RYR3: variants seen among roughly 807,000 people sequenced by gnomAD.
The protein encoded by RYR3 is brain ryanodine receptor-calcium release channel.
RYR3 carries 207 observed loss-of-function variants against 584.3 expected under a neutral mutation model. That is an observed-to-expected ratio of 0.35 (90% confidence interval 0.32 to 0.40). RYR3 has a LOEUF of 0.40. Ranked by LOEUF, RYR3 falls within the 10% of genes least tolerant of loss-of-function variation. The pLI, the probability that RYR3 is intolerant of heterozygous loss-of-function variation, is 1.00. For missense variants in RYR3, 5,616 were observed against 6,089.2 expected (o/e 0.92, Z 2.59); for synonymous variants, 2,416 against 2,248.5 (o/e 1.07, Z -2.11).
At chr15:33,699,656 G>T (rs1244343086) in intron 40 of RYR3, 48 bp from the exon 41 acceptor site, 3 of 1,577,930 alleles carry the variant, frequency 1.9e-6, no homozygotes, top group African/African-American at 2.7e-5. Context: ...TTTCAGAAAG[G>T]CCTCATGATA....
chr15:33,440,301 G>A (rs368313547), intron 1 of RYR3, among the ~76,000 whole-genome samples: 1 of 152,242 alleles, frequency 6.6e-6, no homozygotes, highest in Non-Finnish European at 1.5e-5. Context: ...AATTGAGTCC[G>A]ACTTCATATG....
At chr15:33,846,722 C>G (rs1336281947) in intron 93 of RYR3, among the ~76,000 whole-genome samples, 2 of 152,186 alleles carry the variant, frequency 1.3e-5, no homozygotes, top group Non-Finnish European at 2.9e-5. Context: ...AATTCTGGAG[C>G]CAAGCTGCCT....
chr15:33,674,756 G>C (rs985062354), intron 38 of RYR3, among the ~76,000 whole-genome samples: 10 of 149,892 alleles, frequency 6.7e-5, no homozygotes, highest in African/African-American at 2.5e-4. Context: ...AATGTAGATG[G>C]ATGGATAAAA....
At chr15:33,317,332 G>C (rs1009888220) in intron 1 of RYR3, among the ~76,000 whole-genome samples, 2 of 152,080 alleles carry the variant, frequency 1.3e-5, no homozygotes, top group African/African-American at 4.8e-5. Flanking sequence ...AGTTCCTTTT[G>C]GCTGCACCCG....
intron 42 of RYR3, 123 bp downstream of exon 42, chr15:33,701,203 G>C (rs2066277716): frequency 1.6e-6 from 1 of 629,892 alleles, no homozygotes; most frequent in East Asian, 2.8e-5. Context: ...GGCTTGTAGG[G>C]AAAGTGTGAA....
rs142527825 is a variant in RYR3, at chr15:33,845,454, A to G, written c.13497+392A>G. 2.6e-3 allele frequency among the ~76,000 whole-genome samples: 398 copies of G among 152,202 alleles called. 2 individuals are homozygous for G. Among genetic ancestry groups the G allele is most frequent in the Non-Finnish European group, 4.2e-3 (285 of 68,006 alleles). ...TTTTTAGTAGAGACAGGGTTTCACT[A>G]TGTTGGCCAGGCTGGTCCTGAACTC... On this transcript the variant is annotated intron_variant, in intron 93 of 103. Transcript: ENST00000634891.
chr15:33,862,739 T>C (rs1318871143), intron 102 of RYR3, among the ~76,000 whole-genome samples: 3 of 152,058 alleles, frequency 2.0e-5, no homozygotes, highest in Non-Finnish European at 4.4e-5. Context: ...GCCTCCTGAG[T>C]AGCTGGGACT....
chr15:33,465,188 C>T (rs926860266), intron 1 of RYR3, among the ~76,000 whole-genome samples: 1 of 152,060 alleles, frequency 6.6e-6, no homozygotes, highest in Admixed American at 6.6e-5. Context: ...TGCGAATGTG[C>T]TGCAGTAAAC....
At chr15:33,776,928 A>C (rs924168487) in intron 64 of RYR3, among the ~76,000 whole-genome samples, 2 of 152,264 alleles carry the variant, frequency 1.3e-5, no homozygotes, top group Admixed American at 1.3e-4. Flanking sequence ...CCAGTCTGTC[A>C]CCATTGACCA....
At chr15:33,746,312 T>C (rs1016069306) in intron 53 of RYR3, among the ~76,000 whole-genome samples, 155 bp downstream of exon 53, 1 of 152,194 alleles carries the variant, frequency 6.6e-6, no homozygotes, top group Non-Finnish European at 1.5e-5. Flanking sequence ...AGTGGGCAAG[T>C]GCCTCAGGAC....
chr15:33,484,474 A>G (rs2050242374), intron 2 of RYR3, among the ~76,000 whole-genome samples: 1 of 152,216 alleles, frequency 6.6e-6, no homozygotes, highest in Non-Finnish European at 1.5e-5. Context: ...AAGAAAAGAT[A>G]GGTGATGAGG....
chr15:33,859,628 T>G lies in RYR3; in HGVS notation c.14196T>G (p.Asp4732Glu). Residue 4732 changes from aspartate (D) to glutamate (E), a missense_variant, in exon 100 of 104, where the codon GAT becomes GAG. Transcript: ENST00000634891. The stretch of plus-strand genomic sequence containing the variant: ...TGAGAGCAGGAGGTGGCATTGGTGA[T>G]GAAATTGAAGACCCTGCTGGTGATC... ...VGVRAGGGIG[D>E]EIEDPAGDPY... 1 of 1,614,064 alleles carries G rather than the reference T, an allele frequency of 6.2e-7. No homozygotes were observed. Among genetic ancestry groups the G allele is most frequent in the Non-Finnish European group, 8.5e-7 (1 of 1,179,892 alleles).
intron 18 of RYR3, among the ~76,000 whole-genome samples, chr15:33,609,725 T>TA (rs2060080445): frequency 6.6e-6 from 1 of 152,212 alleles, no homozygotes; most frequent in Non-Finnish European, 1.5e-5. Flanking sequence ...TTTTTAATGG[T>TA]AAAATAAATC....
At chr15:33,797,893 AG>A (rs2075714535) in intron 67 of RYR3, among the ~76,000 whole-genome samples, 1 of 152,252 alleles carries the variant, frequency 6.6e-6, no homozygotes, top group Non-Finnish European at 1.5e-5. Flanking sequence ...TCAATAGGAA[AG>A]AAATCAGAAA....
intron 11 of RYR3, among the ~76,000 whole-genome samples, chr15:33,563,980 A>G (rs1384045976): frequency 1.2e-4 from 18 of 152,198 alleles, no homozygotes; most frequent in Admixed American, 1.1e-3. Flanking sequence ...TACCTTCAAA[A>G]AAAATGGAAG....
intron 43 of RYR3, among the ~76,000 whole-genome samples, chr15:33,720,549 A>G (rs1192604174): frequency 6.6e-6 from 1 of 152,238 alleles, no homozygotes; most frequent in African/African-American, 2.4e-5. Flanking sequence ...AGCTGGAACA[A>G]GAAGATTTTC....
In RYR3 at chr15:33,848,296, T is replaced by C. The variant is rs761662382; in HGVS notation, c.13503T>C (p.Pro4501=). 6.2e-7 allele frequency: 1 copy of C among 1,613,568 alleles called. No individual in the cohort carries two copies. The highest frequency in any genetic ancestry group is 1.1e-5 in the South Asian group (1 of 91,064). The change falls in exon 94 of 104, where the codon CCT becomes CCC. Residue 4501 remains proline (P), a synonymous_variant. Transcript: ENST00000634891. ...CATCCTCCTCCCACTCCTAGGTGCC[T>C]TTGGTGGTTTTCAAAAGGGAAAAAG... The part of the protein sequence containing the change: ...CVVGYYCLKV[P]LVVFKREKEI...
At chr15:33,783,536 C>T (rs1596564849) in intron 65 of RYR3, among the ~76,000 whole-genome samples, 1 of 152,320 alleles carries the variant, frequency 6.6e-6, no homozygotes, top group African/African-American at 2.4e-5. Flanking sequence ...GTGCAGCAAC[C>T]TCAAGCAACT....
intron 2 of RYR3, among the ~76,000 whole-genome samples, chr15:33,477,736 G>A (rs1351890838): frequency 5.4e-5 from 8 of 147,550 alleles, no homozygotes; most frequent in African/African-American, 1.9e-4. Flanking sequence ...TTAGCCGGAC[G>A]TGGTGGCGGG....
Sources: gnomAD v4.1 joint callset for allele counts (sites outside exome capture counted in the v4.1 genomes callset) on GRCh38, gnomAD v4.1.1 for gene constraint, MANE v1.5 for transcripts, NCBI Gene and HGNC (gene_info 2026-07-23, HGNC 2026-07-21) for gene names.